MCTP1: variants seen among roughly 807,000 people sequenced by gnomAD.
The protein encoded by MCTP1 is multiple C2 and transmembrane domain containing 1.
MCTP1 carries 69 observed loss-of-function variants against 120.6 expected under a neutral mutation model. The observed-to-expected ratio is 0.57, with a 90% CI of 0.47 to 0.70. The LOEUF is 0.70. Among genes scored for constraint, MCTP1 ranks in the 30% least tolerant of loss-of-function variants. The pLI is 0.00. For synonymous variants in MCTP1, 529 were observed against 493.1 expected, an observed-to-expected ratio of 1.07 and a Z score of -0.96; for missense variants, 1,203 against 1,248.8, an observed-to-expected ratio of 0.96 and a Z score of 0.55.
chr5:94,983,672 T>A (rs112773954), intron 2 of MCTP1, among the ~76,000 whole-genome samples: 491 of 8,830 alleles, frequency 0.056, 1 homozygote, highest in Middle Eastern at 0.12. Context: ...TCTGTCAATC[T>A]ATCTATCTAT....
At chr5:95,011,767 A>G (rs756630210) in intron 2 of MCTP1, among the ~76,000 whole-genome samples, 1 of 152,158 alleles carries the variant, frequency 6.6e-6, no homozygotes, top group South Asian at 2.1e-4. Flanking sequence ...ACCCAGTCTC[A>G]GGTAATTGTT....
At chr5:94,873,601 G>A (rs1798230081) in intron 12 of MCTP1, among the ~76,000 whole-genome samples, 2 of 151,980 alleles carry the variant, frequency 1.3e-5, no homozygotes, top group Non-Finnish European at 2.9e-5. Flanking sequence ...ATCTGTAAGA[G>A]CCGTTTGAAA....
rs376097748 is a variant in MCTP1 at position 94,754,249 on chromosome 5, A to G, written c.2610+24861T>C. On this transcript the variant is annotated intron_variant, in intron 19 of 22. Coordinates refer to ENST00000515393, the MANE Select transcript of MCTP1 (RefSeq NM_024717.7). ...TAAGTAGATTCCTAAGAAGCACATTATGAACAGTGGCTGATGGAGTGGAAT... is the reference window on the plus strand; with the variant it reads ...TAAGTAGATTCCTAAGAAGCACATTGTGAACAGTGGCTGATGGAGTGGAAT... 1.4e-4 allele frequency among the ~76,000 whole-genome samples: 21 copies of G among 152,362 alleles called. 1 individual carries two copies. The East Asian group carries it at 3.3e-3, about 24-fold the overall frequency.
At chr5:94,754,496 T>C (rs1443393303) in intron 19 of MCTP1, among the ~76,000 whole-genome samples, 2 of 152,232 alleles carry the variant, frequency 1.3e-5, no homozygotes, top group South Asian at 2.1e-4. Context: ...AAGAACCACA[T>C]GGTAGATGTC....
At chr5:95,230,119 CA>C (rs1194766745) in intron 1 of MCTP1, among the ~76,000 whole-genome samples, 1 of 151,782 alleles carries the variant, frequency 6.6e-6, no homozygotes, top group Admixed American at 6.6e-5. Flanking sequence ...TCTTATAAAC[CA>C]TTTTCCATGT....
intron 1 of MCTP1, among the ~76,000 whole-genome samples, chr5:95,114,810 G>A (rs2152394930): frequency 6.6e-6 from 1 of 152,300 alleles, no homozygotes; most frequent in Non-Finnish European, 1.5e-5. Flanking sequence ...AACATAGGTG[G>A]CAGCCAGGTA....
At chr5:94,868,247 A>C in intron 17 of MCTP1, 86 bp downstream of exon 17, 1 of 1,331,850 alleles carries the variant, frequency 7.5e-7, no homozygotes, top group South Asian at 2.0e-5. Flanking sequence ...CCACATCAAC[A>C]TAACTGTTAC....
intron 19 of MCTP1, among the ~76,000 whole-genome samples, chr5:94,733,141 T>TCA (rs1292682456): frequency 6.6e-6 from 1 of 152,166 alleles, no homozygotes; most frequent in Non-Finnish European, 1.5e-5. Flanking sequence ...TGTTGGAAAA[T>TCA]CATTTTCAAA....
chr5:95,033,042 A>C (rs144691941), intron 1 of MCTP1, among the ~76,000 whole-genome samples: 1 of 152,230 alleles, frequency 6.6e-6, no homozygotes, highest in African/African-American at 2.4e-5. Context: ...TCCAAGACTG[A>C]ACCAGGAAGA....
At chr5:95,276,251 A>ATTTTTTTT (rs34667866) in intron 1 of MCTP1, among the ~76,000 whole-genome samples, 6 of 84,774 alleles carry the variant, frequency 7.1e-5, no homozygotes, top group Admixed American at 1.7e-4. Context: ...CAATATTGGG[A>ATTTTTTTT]TTTTTTTTTT....
chr5:94,748,427 C>T (rs1341933259), intron 19 of MCTP1, among the ~76,000 whole-genome samples: 1 of 152,188 alleles, frequency 6.6e-6, no homozygotes, highest in African/African-American at 2.4e-5. Flanking sequence ...TCTAACCTGG[C>T]CCCCTAGTTT....
intron 12 of MCTP1, among the ~76,000 whole-genome samples, chr5:94,887,639 TTACAA>T (rs1270879219): frequency 6.8e-4 from 103 of 152,272 alleles, no homozygotes; most frequent in African/African-American, 2.3e-3. Context: ...TATGCAAATA[TTACAA>T]ACTACCCACT....
At chr5:94,817,814 G>A (rs1268344281) in intron 17 of MCTP1, among the ~76,000 whole-genome samples, 1 of 152,076 alleles carries the variant, frequency 6.6e-6, no homozygotes, top group East Asian at 1.9e-4. Context: ...ACTGTTGGCC[G>A]ATCCATCATC....
intron 7 of MCTP1, among the ~76,000 whole-genome samples, chr5:94,919,648 C>T (rs553853383): frequency 6.6e-6 from 1 of 152,192 alleles, no homozygotes; most frequent in African/African-American, 2.4e-5. Context: ...CAAATGATCC[C>T]CGAGACACTA....
intron 10 of MCTP1, among the ~76,000 whole-genome samples, chr5:94,897,983 ATTG>A (rs1460136722): frequency 6.6e-6 from 1 of 152,200 alleles, no homozygotes; most frequent in African/African-American, 2.4e-5. Flanking sequence ...GCTGTAAGTT[ATTG>A]TTCTTATAAG....
chr5:95,118,092 G>A (rs1354234196), intron 1 of MCTP1, among the ~76,000 whole-genome samples: 1 of 152,168 alleles, frequency 6.6e-6, no homozygotes. Flanking sequence ...ACTAGGTGAT[G>A]CAATGATAGA....
chr5:95,037,586 C>T (rs1841568371), intron 1 of MCTP1, among the ~76,000 whole-genome samples: 1 of 152,124 alleles, frequency 6.6e-6, no homozygotes, highest in African/African-American at 2.4e-5. Context: ...AATAACATGG[C>T]CAGGTGCAGT....
At chr5:95,205,306 A>G (rs982330856) in intron 1 of MCTP1, among the ~76,000 whole-genome samples, 1 of 152,150 alleles carries the variant, frequency 6.6e-6, no homozygotes, top group Non-Finnish European at 1.5e-5. Context: ...AGAAAAAATT[A>G]AAGTTGGACT....
intron 5 of MCTP1, among the ~76,000 whole-genome samples, chr5:94,934,854 G>A (rs374865172): frequency 6.6e-6 from 1 of 150,894 alleles, no homozygotes; most frequent in African/African-American, 2.4e-5. Flanking sequence ...ATTTAAGAGA[G>A]TGTGTAACAC....
Sources: allele counts gnomAD v4.1 joint callset (sites outside exome capture counted in the v4.1 genomes callset), GRCh38; gene constraint gnomAD v4.1.1; transcripts MANE v1.5; gene names NCBI Gene and HGNC (gene_info 2026-07-23, HGNC 2026-07-21).